TICRR: variants seen among roughly 807,000 people sequenced by gnomAD.
TICRR encodes treslin.
In TICRR, 132 loss-of-function variants were observed where a neutral mutation model predicts 178.1. The observed-to-expected ratio is 0.74, with a 90% CI of 0.64 to 0.86. The LOEUF (loss-of-function observed/expected upper bound fraction) is 0.86. Among genes scored for constraint, TICRR ranks in the 40% least tolerant of loss-of-function variants. TICRR has a pLI of 0.00. For synonymous variants in TICRR, 991 were observed against 900.7 expected, an observed-to-expected ratio of 1.10 and a Z score of -1.79; for missense variants, 2,587 against 2,334.3, an observed-to-expected ratio of 1.11 and a Z score of -2.23.
intron 13 of TICRR, among the ~76,000 whole-genome samples, chr15:89,603,836 A>G (rs1439317838): frequency 6.6e-6 from 1 of 152,226 alleles, no homozygotes; most frequent in African/African-American, 2.4e-5. Flanking sequence ...AAATAGAACA[A>G]TTATAGCAAT....
rs115462840 is a variant in TICRR at position 89,625,985 on chromosome 15, T to C, written c.5526T>C (p.Ser1842=). 1,241 of 1,607,150 alleles carry C rather than the reference T, an allele frequency of 7.7e-4. 12 individuals are homozygous for C. In the African/African-American group the frequency reaches 0.014, roughly 19 times the overall value. The change falls in exon 21 of 22, where the codon AGT becomes AGC. Residue 1842 remains serine, a synonymous_variant. Transcript: ENST00000268138. ...CCGTGCGGAGCTGCCTCTCTGCCAGTGCCCTCCAGGCTCTGACCCAGTCTC... is the reference window on the plus strand; with the variant it reads ...CCGTGCGGAGCTGCCTCTCTGCCAGCGCCCTCCAGGCTCTGACCCAGTCTC... ...SCAVRSCLSA[S]ALQALTQSPL...
At chr15:89,577,753 C>T (rs767715634) in intron 1 of TICRR, among the ~76,000 whole-genome samples, 2 of 151,598 alleles carry the variant, frequency 1.3e-5, no homozygotes, top group Admixed American at 6.6e-5. Context: ...GGATTATAAG[C>T]GGGCGCCACC....
rs1213776765 is a variant in TICRR at position 89,625,473 on chromosome 15, G to C, written c.5163G>C (p.Lys1721Asn). The stretch of plus-strand genomic sequence containing the variant: ...TGTCACTGCTTGAGTCAGAGGGCAA[G>C]GACCACGGCCTTGAACTCAGCATCC... ...GSLSLLESEG[K>N]DHGLELSIHR... The change falls in exon 20 of 22, where the codon AAG (lysine) becomes AAC (asparagine). Residue 1721 changes from lysine to asparagine, a missense_variant. Physicochemically the swap from Lys to Asn is moderately conservative, Grantham distance 94. Coordinates refer to ENST00000268138, the MANE Select transcript of TICRR (RefSeq NM_152259.4). 1 of 1,613,938 alleles carries C rather than the reference G, an allele frequency of 6.2e-7. No individual in the cohort carries two copies. Among genetic ancestry groups the C allele is most frequent in the South Asian group, 1.1e-5 (1 of 91,074 alleles).
At chr15:89,614,932 T>A (rs1963310647) in intron 15 of TICRR, among the ~76,000 whole-genome samples, 1 of 152,198 alleles carries the variant, frequency 6.6e-6, no homozygotes, top group African/African-American at 2.4e-5. Context: ...CTTCACTTTC[T>A]GTTTTGCCAG....
At chr15:89,603,995 T>G (rs147245398) in intron 13 of TICRR, among the ~76,000 whole-genome samples, 1 of 152,278 alleles carries the variant, frequency 6.6e-6, no homozygotes, top group African/African-American at 2.4e-5. Flanking sequence ...TGTTGTTTTT[T>G]TCATGGCAGT....
At chr15:89,601,227 A>T (rs1284997057) in intron 9 of TICRR, 71 bp from the exon 10 acceptor site, 1 of 1,352,888 alleles carries the variant, frequency 7.4e-7, no homozygotes, top group African/African-American at 1.4e-5. Flanking sequence ...AAATAGATCT[A>T]TGCTTACGGA....
In TICRR at chr15:89,599,319, C is replaced by G; in HGVS notation, c.1901-5C>G. On this transcript the variant is annotated splice_polypyrimidine_tract_variant and splice_region_variant and intron_variant, in intron 7 of 21. Transcript: ENST00000268138. ...TTAATCCATTTTATTTTATTTTTTT[C>G]TCAGATTTTAAAACTGAGGAAGAGC... is the stretch of plus-strand genomic sequence containing the variant. The G allele has an allele frequency of 1.3e-6, 2 of 1,590,724 alleles. No individual in the cohort carries two copies. The highest frequency in any genetic ancestry group is 1.7e-6 in the Non-Finnish European group (2 of 1,171,220).
chr15:89,613,888 C>G (rs1339321278), intron 15 of TICRR, among the ~76,000 whole-genome samples: 1 of 152,134 alleles, frequency 6.6e-6, no homozygotes, highest in Non-Finnish European at 1.5e-5. Context: ...GGCGCGGTGG[C>G]TCACGCCTGT....
In TICRR at chr15:89,625,602, C is replaced by T. The variant is rs778803965; in HGVS notation, c.5292C>T (p.Ser1764=). ...NSMPKAEEAS[S]WGQFGLSSRK... ...TGCCTAAGGCCGAGGAAGCCTCTTC[C>T]TGGGGACAGTTTGGGTTGAGTTCCA... The change falls in exon 20 of 22, where the codon TCC becomes TCT. Residue 1764 remains serine, a synonymous_variant. Transcript: ENST00000268138. 22 of 1,613,062 alleles carry T rather than the reference C, an allele frequency of 1.4e-5. No individual in the cohort carries two copies. The highest frequency in any genetic ancestry group is 1.8e-5 in the Non-Finnish European group (21 of 1,180,032).
At chr15:89,594,600 C>A (rs1555420494) in intron 6 of TICRR, 46 bp downstream of exon 6, 2 of 1,458,348 alleles carry the variant, frequency 1.4e-6, no homozygotes, top group Non-Finnish European at 1.8e-6. Flanking sequence ...TTTTTTGAGA[C>A]TGTATGTTTT....
Position 89,616,451 on chromosome 15 carries a change from T to C in TICRR, c.2916T>C (p.His972=), listed in dbSNP as rs1405182555. 6.2e-7 allele frequency: 1 copy of C among 1,614,044 alleles called. No homozygotes were observed. The highest frequency in any genetic ancestry group is 8.5e-7 in the Non-Finnish European group (1 of 1,179,924). ...LTKSVAETPV[H]KQISKRLLHR... is the part of the protein sequence containing the mutation. ...AGAGTGTGGCCGAGACTCCAGTGCA[T>C]AAGCAGATCTCCAAAAGGCTGCTGC... Residue 972 remains histidine (H), a synonymous_variant, in exon 16 of 22, where the codon CAT becomes CAC. Transcript: ENST00000268138.
At chr15:89,585,158 G>A (rs1230530576) in intron 3 of TICRR, among the ~76,000 whole-genome samples, 1 of 152,138 alleles carries the variant, frequency 6.6e-6, no homozygotes, top group Non-Finnish European at 1.5e-5. Flanking sequence ...AGAAAAATAC[G>A]GTAGTCATTG....
chr15:89,583,086 A>C (rs1341301852), intron 2 of TICRR, 121 bp downstream of exon 2: 11 of 1,132,776 alleles, frequency 9.7e-6, no homozygotes, highest in Non-Finnish European at 1.3e-5. Flanking sequence ...AATGCTTGTC[A>C]TGAAAGAATT....
chr15:89,603,965 C>G (rs1291651095), intron 13 of TICRR, among the ~76,000 whole-genome samples: 5 of 151,874 alleles, frequency 3.3e-5, no homozygotes, highest in African/African-American at 1.2e-4. Flanking sequence ...AAAGTGAAAT[C>G]ACAGATAATG....
At chr15:89,601,182 T>C in intron 9 of TICRR, 116 bp from the exon 10 acceptor site, 1 of 766,164 alleles carries the variant, frequency 1.3e-6, no homozygotes, top group East Asian at 2.7e-5. Context: ...GAAAAGGCAC[T>C]GGCTCTCCTC....
chr15:89,601,803 G>C lies in TICRR; in HGVS notation c.2394G>C (p.Gln798His). 1.9e-6 allele frequency: 3 copies of C among 1,614,176 alleles called. No individual in the cohort carries two copies. Among genetic ancestry groups the C allele is most frequent in the South Asian group, 1.1e-5 (1 of 91,078 alleles). The change falls in exon 12 of 22, where the codon CAG becomes CAC. Residue 798 changes from glutamine (Q) to histidine (H), a missense_variant. Transcript: ENST00000268138. ...ACAGCCTAGGGTTTGTGATTCCTCAGAAGCTGGCTGGTGTCCTTCCTACAG... is the reference window on the plus strand; with the variant it reads ...ACAGCCTAGGGTTTGTGATTCCTCACAAGCTGGCTGGTGTCCTTCCTACAG... ...LYNSLGFVIP[Q>H]KLAGVLPTDF...
chr15:89,626,403 T>A, intron 21 of TICRR, among the ~76,000 whole-genome samples: 1 of 152,168 alleles, frequency 6.6e-6, no homozygotes. Context: ...TAGAGCTAGT[T>A]CCCCACAGCG....
chr15:89,616,603 A>G, intron 16 of TICRR, 108 bp downstream of exon 16: 1 of 825,428 alleles, frequency 1.2e-6, no homozygotes, highest in Non-Finnish European at 2.0e-6. Flanking sequence ...AATCTTAACT[A>G]TGTTGCTTAA....
intron 15 of TICRR, among the ~76,000 whole-genome samples, chr15:89,615,011 C>G (rs1198989388): frequency 1.3e-5 from 2 of 152,212 alleles, no homozygotes; most frequent in Non-Finnish European, 2.9e-5. Flanking sequence ...ATGCACAGTG[C>G]TACACGTGTG....
Sources: gnomAD v4.1 joint callset for allele counts (sites outside exome capture counted in the v4.1 genomes callset) on GRCh38, gnomAD v4.1.1 for gene constraint, MANE v1.5 for transcripts, NCBI Gene and HGNC (gene_info 2026-07-23, HGNC 2026-07-21) for gene names.